The following ATP6V1C2 variants were observed in gnomAD, a reference collection of about 807,000 sequenced individuals.
ATP6V1C2 encodes ATPase H+ transporting V1 subunit C2.
In ATP6V1C2, 45 loss-of-function variants were observed where a neutral mutation model predicts 56.8. That is an observed-to-expected ratio of 0.79 (90% CI 0.62 to 1.02). ATP6V1C2 has a LOEUF of 1.02. Ranked by LOEUF, ATP6V1C2 falls within the 50% of genes least tolerant of loss-of-function variation. The pLI, the probability that ATP6V1C2 is intolerant of heterozygous loss-of-function variation, is 0.00. For synonymous variants in ATP6V1C2, 220 were observed against 201.3 expected (o/e 1.09, Z -0.79); for missense variants, 463 against 519.7 (o/e 0.89, Z 1.06).
At chr2:10,751,969 G>A (rs1408316474) in intron 3 of ATP6V1C2, among the ~76,000 whole-genome samples, 1 of 152,002 alleles carries the variant, frequency 6.6e-6, no homozygotes, top group East Asian at 1.9e-4. Context: ...ATGAGGTGGA[G>A]GATCACCTGA....
In ATP6V1C2 at chr2:10,774,878, CAAGT is replaced by C; in HGVS notation, c.731+2_731+5del. 2 of 1,614,134 alleles carry C rather than the reference CAAGT, an allele frequency of 1.2e-6. No individual in the cohort carries two copies. Among genetic ancestry groups the C allele is most frequent in the Non-Finnish European group, 1.7e-6 (2 of 1,179,970 alleles). On this transcript the variant is annotated splice_donor_variant and coding_sequence_variant, in exon 9 of 14. Coordinates refer to ENST00000272238, the MANE Select transcript of ATP6V1C2 (RefSeq NM_001039362.2). LOFTEE classifies it high-confidence loss of function. Reference sequence around the variant, plus strand: ...ATTTCAAAACCAAGGCCAAAGAAAACAAGTAAGGGTCCTCCAGGTTTGGTTCATC... The same window carrying C: ...ATTTCAAAACCAAGGCCAAAGAAAACAAGGGTCCTCCAGGTTTGGTTCATC...
chr2:10,757,301 C>T, intron 4 of ATP6V1C2: 1 of 387,350 alleles, frequency 2.6e-6, no homozygotes, highest in Non-Finnish European at 4.6e-6. Flanking sequence ...GCGTGAGCCA[C>T]CGCGCCCGGC....
intron 3 of ATP6V1C2, among the ~76,000 whole-genome samples, chr2:10,730,607 GTT>G (rs60355432): frequency 0.56 from 66,699 of 118,508 alleles, 20,385 homozygotes; most frequent in Non-Finnish European, 0.73. Flanking sequence ...TTCACAGTGG[GTT>G]TTTTTTTTTT....
rs773670939 is a variant in ATP6V1C2, at chr2:10,774,844, T to G, written c.695T>G (p.Val232Gly). ...GLFTVTLFRK[V>G]IEDFKTKAKE... ...TTCACTGTGACTCTGTTTCGAAAAGTGATTGAAGATTTCAAAACCAAGGCC... is the reference window on the plus strand; with the variant it reads ...TTCACTGTGACTCTGTTTCGAAAAGGGATTGAAGATTTCAAAACCAAGGCC... The change falls in exon 9 of 14, where the codon GTG becomes GGG. Residue 232 changes from valine to glycine, a missense_variant. Transcript: ENST00000272238. 6.2e-7 allele frequency: 1 copy of G among 1,614,070 alleles called. No individual in the cohort carries two copies. Among genetic ancestry groups the G allele is most frequent in the Non-Finnish European group, 8.5e-7 (1 of 1,180,010 alleles).
intron 4 of ATP6V1C2, among the ~76,000 whole-genome samples, chr2:10,755,186 G>A (rs1362564361): frequency 6.6e-6 from 1 of 152,152 alleles, no homozygotes; most frequent in African/African-American, 2.4e-5. Context: ...ACAGGCATAT[G>A]CCGCCATGTC....
chr2:10,768,411 C>T (rs1302171586), intron 5 of ATP6V1C2, among the ~76,000 whole-genome samples: 2 of 152,216 alleles, frequency 1.3e-5, no homozygotes, highest in Non-Finnish European at 2.9e-5. Flanking sequence ...TCAGCCTGAG[C>T]TGCCCTCCAG....
chr2:10,729,062 G>A (rs1402024088), intron 3 of ATP6V1C2, among the ~76,000 whole-genome samples: 1 of 150,864 alleles, frequency 6.6e-6, no homozygotes, highest in Non-Finnish European at 1.5e-5. Flanking sequence ...CCTGGCAGGC[G>A]GAGGTTGTAG....
intron 3 of ATP6V1C2, among the ~76,000 whole-genome samples, chr2:10,731,550 A>G (rs1661953061): frequency 6.6e-6 from 1 of 152,206 alleles, no homozygotes; most frequent in Admixed American, 6.6e-5. Flanking sequence ...TGCTAAACCT[A>G]AGAAAGGCCT....
intron 5 of ATP6V1C2, chr2:10,767,996 C>T (rs1664338439): frequency 6.6e-6 from 1 of 152,192 alleles, no homozygotes; most frequent in Non-Finnish European, 1.5e-5. Flanking sequence ...CTATGGAGCA[C>T]CCATTTTCTT....
intron 3 of ATP6V1C2, among the ~76,000 whole-genome samples, chr2:10,738,970 T>C (rs1003240296): frequency 3.3e-5 from 5 of 152,202 alleles, no homozygotes; most frequent in African/African-American, 1.2e-4. Context: ...TCCTGTGTTT[T>C]TGCAACAGAC....
chr2:10,735,360 A>C (rs975685980), intron 3 of ATP6V1C2, among the ~76,000 whole-genome samples: 9 of 151,880 alleles, frequency 5.9e-5, no homozygotes, highest in African/African-American at 1.9e-4. Flanking sequence ...AGTGGAGATG[A>C]GGTTTCACCA....
At chr2:10,721,287 G>T (rs1239822863), upstream of ATP6V1C2, among the ~76,000 whole-genome samples, 1 of 152,164 alleles carries the variant, frequency 6.6e-6, no homozygotes, top group Non-Finnish European at 1.5e-5. Flanking sequence ...GGGCTGCGGC[G>T]GCCGCAGCGG....
intron 10 of ATP6V1C2, among the ~76,000 whole-genome samples, chr2:10,775,311 C>A (rs1373507505): frequency 2.0e-5 from 3 of 152,192 alleles, no homozygotes; most frequent in Non-Finnish European, 4.4e-5. Context: ...CCCAAGCTGG[C>A]GCTTTCCACA....
chr2:10,746,028 G>A (rs1558398580), intron 3 of ATP6V1C2, among the ~76,000 whole-genome samples: 2 of 152,090 alleles, frequency 1.3e-5, no homozygotes, highest in South Asian at 2.1e-4. Context: ...TGCTTGGGTC[G>A]CTCCCACCTT....
Position 10,772,534 on chromosome 2 carries a change from T to G in ATP6V1C2, c.570-8T>G. On this transcript the variant is annotated splice_polypyrimidine_tract_variant and splice_region_variant and intron_variant, in intron 7 of 13. Transcript: ENST00000272238. The stretch of plus-strand genomic sequence containing the variant: ...AAAAAATCACGTAACGATTCTATGT[T>G]CTTGCAGACCAAACTACTCACAATG... The G allele has an allele frequency of 6.2e-7, 1 of 1,612,968 alleles. No homozygotes were observed. The highest frequency in any genetic ancestry group is 8.5e-7 in the Non-Finnish European group (1 of 1,179,024).
intron 6 of ATP6V1C2, 94 bp downstream of exon 6, chr2:10,768,904 T>C (rs755613112): frequency 1.2e-4 from 117 of 962,408 alleles, no homozygotes; most frequent in Admixed American, 2.1e-4. Context: ...TGGGAGTCTG[T>C]GCCCATGCAT....
At chr2:10,782,615 G>A (rs1428954588) in intron 13 of ATP6V1C2, among the ~76,000 whole-genome samples, 1 of 151,926 alleles carries the variant, frequency 6.6e-6, no homozygotes, top group Non-Finnish European at 1.5e-5. Flanking sequence ...GGTGGATCAC[G>A]AAGTCAAGAG....
At chr2:10,736,801 C>CTTTTTTTTTTTTTTTTTTTTTTTTTTGTT (rs35166388) in intron 3 of ATP6V1C2, among the ~76,000 whole-genome samples, 1 of 102,654 alleles carries the variant, frequency 9.7e-6, no homozygotes, top group Non-Finnish European at 2.1e-5. Flanking sequence ...AGATATTGTG[C>CTTTTTTTTTTTTTTTTTTTTTTTTTTGTT]TTTTTTTTTT....
chr2:10,724,436 A>G (rs1661528226), intron 2 of ATP6V1C2, among the ~76,000 whole-genome samples: 1 of 152,094 alleles, frequency 6.6e-6, no homozygotes, highest in African/African-American at 2.4e-5. Flanking sequence ...GGGTTCTGAA[A>G]CCACATCTTG....
Sources: allele counts gnomAD v4.1 joint callset (sites outside exome capture counted in the v4.1 genomes callset), GRCh38; gene constraint gnomAD v4.1.1; transcripts MANE v1.5; gene names NCBI Gene and HGNC (gene_info 2026-07-23, HGNC 2026-07-21).